FRYL: variants seen among roughly 807,000 people sequenced by gnomAD.
The protein encoded by FRYL is protein furry homolog-like.
FRYL carries 150 observed loss-of-function variants against 351.2 expected under a neutral mutation model. The observed-to-expected ratio is 0.43, with a 90% CI of 0.37 to 0.49. The LOEUF (loss-of-function observed/expected upper bound fraction) is 0.49. Among genes scored for constraint, FRYL ranks in the 20% least tolerant of loss-of-function variants. The probability of loss-of-function intolerance (pLI) is 0.00; values close to 1 mark genes in which losing one functional copy is unlikely to be tolerated. For synonymous variants in FRYL, 1,153 were observed against 1,257.1 expected (o/e 0.92, Z 1.75); for missense variants, 3,036 against 3,619.3 (o/e 0.84, Z 4.13).
intron 1 of FRYL, among the ~76,000 whole-genome samples, chr4:48,759,577 G>A (rs982197788): frequency 6.6e-6 from 1 of 152,044 alleles, no homozygotes; most frequent in Admixed American, 6.6e-5. Context: ...AAGTTTAGAG[G>A]GTGCCCCACT....
rs1403144281 is a variant in FRYL, at chr4:48,691,304, G to C, written c.-203-6509C>G. ...GTTCATTGTACTATTATTCCTATGA[G>C]CAGAATATTGCAGTAGAGGCAAAGA... On this transcript the variant is annotated intron_variant, in intron 2 of 63. Transcript: ENST00000358350. Among the ~76,000 whole-genome samples, 3 of 151,918 alleles carry C rather than the reference G, an allele frequency of 2.0e-5. No individual in the cohort carries two copies. In the East Asian group the frequency reaches 5.8e-4, roughly 29 times the overall value.
chr4:48,533,652 C>T (rs1458054833), intron 49 of FRYL, among the ~76,000 whole-genome samples: 1 of 152,112 alleles, frequency 6.6e-6, no homozygotes, highest in Admixed American at 6.5e-5. Flanking sequence ...TTGTATCCAT[C>T]CTACTGATCT....
intron 3 of FRYL, among the ~76,000 whole-genome samples, chr4:48,668,994 C>G (rs1414453723): frequency 6.6e-6 from 1 of 152,146 alleles, no homozygotes; most frequent in Non-Finnish European, 1.5e-5. Flanking sequence ...CTTTATTCTT[C>G]TTAACCTATT....
chr4:48,770,744 T>C (rs1346225023), intron 1 of FRYL, among the ~76,000 whole-genome samples: 1 of 152,182 alleles, frequency 6.6e-6, no homozygotes, highest in Non-Finnish European at 1.5e-5. Context: ...GGTTAATGTC[T>C]TATTATGAAC....
intron 50 of FRYL, among the ~76,000 whole-genome samples, chr4:48,529,282 G>A (rs1560543720): frequency 6.6e-6 from 1 of 152,192 alleles, no homozygotes; most frequent in Non-Finnish European, 1.5e-5. Flanking sequence ...TTATGTGCCT[G>A]ACTTCCCTAC....
intron 23 of FRYL, among the ~76,000 whole-genome samples, chr4:48,577,884 A>G (rs1260661302): frequency 6.6e-6 from 1 of 151,724 alleles, no homozygotes; most frequent in African/African-American, 2.4e-5. Flanking sequence ...TCTTTAAAAA[A>G]AAAACAAAAA....
At chr4:48,635,583 C>T (rs1166912251) in intron 3 of FRYL, among the ~76,000 whole-genome samples, 1 of 152,164 alleles carries the variant, frequency 6.6e-6, no homozygotes. Context: ...CAAAAGAAGA[C>T]ACACCACTGC....
In FRYL at chr4:48,561,626, G is replaced by A. The variant is rs1041770617; in HGVS notation, c.3707C>T (p.Pro1236Leu). The change falls in exon 33 of 64, where the codon CCG becomes CTG. Residue 1236 changes from proline to leucine, a missense_variant. Coordinates refer to ENST00000358350, the MANE Select transcript of FRYL (RefSeq NM_015030.2). ...TTTGTGAGCATAGCGAAACATCTTCGGTTCCAGAATCTATAGGAATGTGAT... is the reference window on the plus strand; with the variant it reads ...TTTGTGAGCATAGCGAAACATCTTCAGTTCCAGAATCTATAGGAATGTGAT... ...VAMQLLQILE[P>L]KMFRYAHKLE... 5.0e-5 allele frequency: 81 copies of A among 1,608,690 alleles called. No individual in the cohort carries two copies. Among genetic ancestry groups the A allele is most frequent in the Middle Eastern group, 1.7e-4 (1 of 6,060 alleles).
chr4:48,652,566 T>C (rs1757941391), intron 3 of FRYL, among the ~76,000 whole-genome samples: 1 of 152,200 alleles, frequency 6.6e-6, no homozygotes. Context: ...TATCTCCATA[T>C]GGAAGAATTA....
chr4:48,758,584 G>A (rs1158838142), intron 1 of FRYL, among the ~76,000 whole-genome samples: 2 of 152,362 alleles, frequency 1.3e-5, no homozygotes, highest in East Asian at 1.9e-4. Context: ...GGAAAGAACA[G>A]GTGCTGGAGA....
At chr4:48,550,036 G>A (rs898636353) in intron 38 of FRYL, among the ~76,000 whole-genome samples, 2 of 152,194 alleles carry the variant, frequency 1.3e-5, no homozygotes, top group Non-Finnish European at 2.9e-5. Context: ...CAGTGGGGCT[G>A]CGGGGTGCAA....
chr4:48,626,237 CCTCT>C lies in FRYL; in HGVS notation c.121-3062_121-3059del, dbSNP rs563366600. Among the ~76,000 whole-genome samples the C allele has an allele frequency of 7.3e-4, 111 of 151,108 alleles. 3 individuals are homozygous for C. The East Asian group carries it at 0.019, about 26-fold the overall frequency. ...ATTGTCAAATCTGTTTGTCAATAAA[CCTCT>C]CTCTCTCTATGTGTGTGTGTGTGTA... On this transcript the variant is annotated intron_variant, in intron 4 of 63. Transcript: ENST00000358350.
At chr4:48,779,275 G>T (rs976898345) in intron 1 of FRYL, among the ~76,000 whole-genome samples, 7 of 152,208 alleles carry the variant, frequency 4.6e-5, no homozygotes, top group African/African-American at 1.4e-4. Context: ...CAGGCACCCT[G>T]CCCGGTGCCG....
intron 13 of FRYL, among the ~76,000 whole-genome samples, chr4:48,596,471 C>T (rs1365525399): frequency 6.6e-6 from 1 of 152,030 alleles, no homozygotes; most frequent in Non-Finnish European, 1.5e-5. Flanking sequence ...TATATCCTTA[C>T]GAGTGAATAG....
chr4:48,756,479 T>C (rs1773786983), intron 1 of FRYL, among the ~76,000 whole-genome samples: 1 of 152,180 alleles, frequency 6.6e-6, no homozygotes, highest in African/African-American at 2.4e-5. Context: ...ATCTGTTGTT[T>C]GGTATTTGTT....
intron 3 of FRYL, among the ~76,000 whole-genome samples, chr4:48,669,907 T>C (rs775136501): frequency 3.3e-5 from 5 of 151,758 alleles, no homozygotes; most frequent in Non-Finnish European, 7.4e-5. Flanking sequence ...TTTAAAATAA[T>C]TTTTTTACTG....
chr4:48,587,846 T>G (rs549862774), intron 18 of FRYL, among the ~76,000 whole-genome samples: 9 of 152,066 alleles, frequency 5.9e-5, no homozygotes, highest in African/African-American at 2.2e-4. Flanking sequence ...CGCCTGGCCT[T>G]GGGTATTTGT....
Position 48,724,746 on chromosome 4 carries a change from T to A in FRYL, c.-383-14048A>T, listed in dbSNP as rs577257163. 4.9e-4 allele frequency among the ~76,000 whole-genome samples: 74 copies of A among 152,306 alleles called. 1 individual carries two copies. Among genetic ancestry groups the A allele is most frequent in the Non-Finnish European group, 3.2e-4 (22 of 68,024 alleles). On this transcript the variant is annotated intron_variant, in intron 1 of 63. Transcript: ENST00000358350. ...CAAACAGTTTATTCAATAAAATGCG[T>A]ATTAACAACTTCATAAATTTCCATC...
chr4:48,589,893 T>G lies in FRYL; in HGVS notation c.1508-16A>C. The G allele has an allele frequency of 6.3e-7, 1 of 1,594,460 alleles. No individual in the cohort carries two copies. On this transcript the variant is annotated splice_polypyrimidine_tract_variant and intron_variant, in intron 17 of 63. Coordinates refer to ENST00000358350, the MANE Select transcript of FRYL (RefSeq NM_015030.2). ...ACTGACATTCCTAGGGGAAAAAACT[T>G]CACAGTTATAAAATATCTGAAATTA...
Sources: allele counts gnomAD v4.1 joint callset (sites outside exome capture counted in the v4.1 genomes callset), GRCh38; gene constraint gnomAD v4.1.1; transcripts MANE v1.5; gene names NCBI Gene and HGNC (gene_info 2026-07-23, HGNC 2026-07-21).